ECI2: variants seen among roughly 807,000 people sequenced by gnomAD.
ECI2 encodes D3,D2-enoyl-CoA isomerase.
Under a neutral mutation model 38.4 loss-of-function variants are expected in ECI2, and 27 were observed. The ratio of observed to expected loss-of-function variants is 0.70; its 90% confidence interval spans 0.52 to 0.97. The LOEUF is 0.97. Among genes scored for constraint, ECI2 ranks in the 50% least tolerant of loss-of-function variants. The probability of loss-of-function intolerance (pLI) is 0.00; values close to 1 mark genes in which losing one functional copy is unlikely to be tolerated. For missense variants in ECI2, 470 were observed against 474.4 expected, an observed-to-expected ratio of 0.99 and a Z score of 0.09; for synonymous variants, 168 against 172.0, an observed-to-expected ratio of 0.98 and a Z score of 0.18.
chr6:4,128,751 A>G (rs1028668850), intron 4 of ECI2, among the ~76,000 whole-genome samples: 48 of 151,980 alleles, frequency 3.2e-4, no homozygotes, highest in African/African-American at 1.1e-3. Flanking sequence ...TCAGTATTAT[A>G]ATAACTCTAG....
chr6:4,128,069 C>T (rs1169489939), intron 4 of ECI2, among the ~76,000 whole-genome samples: 1 of 152,130 alleles, frequency 6.6e-6, no homozygotes, highest in Admixed American at 6.5e-5. Flanking sequence ...AGGCTATAAA[C>T]CACTTTTTTT....
Position 4,125,274 on chromosome 6 carries a change from G to C in ECI2, c.771C>G (p.Phe257Leu). 6.2e-7 allele frequency: 1 copy of C among 1,614,102 alleles called. No individual in the cohort carries two copies. The highest frequency in any genetic ancestry group is 2.2e-5 in the East Asian group (1 of 44,878). Residue 257 changes from phenylalanine (F) to leucine (L), a missense_variant, in exon 7 of 10, where the codon TTC becomes TTG. Phe to Leu is a conservative substitution (Grantham distance 22). Transcript: ENST00000380118. ...CCCTGTCAGATGCATACACGGCATC[G>C]AATAGCCCAAGGAGGGTGACGGAGA... The part of the protein sequence containing the change: ...VGISVTLLGL[F>L]DAVYASDRAT...
chr6:4,120,063 C>G (rs1393103406), intron 7 of ECI2, among the ~76,000 whole-genome samples: 3 of 152,158 alleles, frequency 2.0e-5, no homozygotes, highest in Non-Finnish European at 4.4e-5. Flanking sequence ...TTATCATTCA[C>G]CAGTTAATGC....
chr6:4,122,837 A>G (rs1450153052), intron 7 of ECI2, among the ~76,000 whole-genome samples: 3 of 152,116 alleles, frequency 2.0e-5, no homozygotes, highest in Admixed American at 6.5e-5. Context: ...TTACGTGAAT[A>G]TGTGTGTGTG....
chr6:4,128,977 T>C (rs749269467), intron 4 of ECI2, among the ~76,000 whole-genome samples: 3 of 152,186 alleles, frequency 2.0e-5, no homozygotes, highest in Non-Finnish European at 2.9e-5. Flanking sequence ...ATTATAGTTA[T>C]GATAACACCA....
intron 9 of ECI2, among the ~76,000 whole-genome samples, chr6:4,116,998 A>G (rs1772322557): frequency 6.6e-6 from 1 of 152,240 alleles, no homozygotes. Context: ...TAGCTAATCC[A>G]TGCTTCTCAC....
At chr6:4,129,259 C>T (rs532722896) in intron 4 of ECI2, among the ~76,000 whole-genome samples, 46 of 152,192 alleles carry the variant, frequency 3.0e-4, no homozygotes, top group African/African-American at 8.9e-4. Context: ...ACTATAGGTG[C>T]GCACCACCAT....
chr6:4,128,924 G>A (rs545715204), intron 4 of ECI2, among the ~76,000 whole-genome samples: 30 of 152,218 alleles, frequency 2.0e-4, no homozygotes, highest in African/African-American at 6.7e-4. Flanking sequence ...AAGCGTTTAA[G>A]CATTTCTCCT....
chr6:4,130,999 A>G (rs112029889), intron 2 of ECI2, 134 bp from the exon 3 acceptor site: 18 of 759,926 alleles, frequency 2.4e-5, no homozygotes, highest in African/African-American at 3.6e-5. Flanking sequence ...ATTGATCTGA[A>G]TTTTCCCCTC....
intron 7 of ECI2, chr6:4,122,110 T>C (rs1581972584): frequency 1.9e-6 from 2 of 1,043,712 alleles, no homozygotes. Context: ...GAGCAGCAGG[T>C]GGAGTTAAGG....
chr6:4,134,974 C>T, intron 1 of ECI2: 1 of 373,378 alleles, frequency 2.7e-6, no homozygotes, highest in Non-Finnish European at 5.5e-6. Context: ...TGCACAGATT[C>T]GTGCGGGTTC....
chr6:4,119,572 C>T (rs1157284347), intron 7 of ECI2, among the ~76,000 whole-genome samples: 1 of 152,112 alleles, frequency 6.6e-6, no homozygotes, highest in Non-Finnish European at 1.5e-5. Context: ...CCACCTGCCT[C>T]GGCCTCCCAA....
intron 9 of ECI2, among the ~76,000 whole-genome samples, 189 bp from the exon 10 acceptor site, chr6:4,116,218 G>C (rs1772258677): frequency 6.6e-6 from 1 of 151,868 alleles, no homozygotes; most frequent in East Asian, 2.0e-4. Context: ...GGTTGTGGTG[G>C]TACATGCCTG....
chr6:4,131,098 G>A (rs1448566664), intron 2 of ECI2: 18 of 434,322 alleles, frequency 4.1e-5, no homozygotes, highest in Non-Finnish European at 6.4e-5. Flanking sequence ...AATAATGCAG[G>A]ATAAAGGTTT....
chr6:4,120,871 T>A (rs1030814632), intron 7 of ECI2, among the ~76,000 whole-genome samples: 5 of 152,068 alleles, frequency 3.3e-5, no homozygotes, highest in African/African-American at 1.2e-4. Context: ...TGAAAAAAAA[T>A]TTAAAAATAA....
intron 8 of ECI2, chr6:4,118,783 C>T (rs9503920): frequency 0.025 from 4,024 of 158,802 alleles, 165 homozygotes; most frequent in African/African-American, 0.092. Context: ...CATCATGTCT[C>T]TCCTTAGGAG....
At chr6:4,128,300 A>C (rs1195159645) in intron 4 of ECI2, among the ~76,000 whole-genome samples, 1 of 151,960 alleles carries the variant, frequency 6.6e-6, no homozygotes, top group Non-Finnish European at 1.5e-5. Context: ...GACCTCAAGG[A>C]AGCCCCTGGC....
At chr6:4,117,819 C>T (rs574551930) in intron 8 of ECI2, 52 of 163,594 alleles carry the variant, frequency 3.2e-4, no homozygotes, top group Non-Finnish European at 1.4e-4. Flanking sequence ...AGAAAAATTA[C>T]GGTCATTGGG....
intron 2 of ECI2, among the ~76,000 whole-genome samples, chr6:4,132,523 C>T (rs1383011174): frequency 6.6e-6 from 1 of 152,136 alleles, no homozygotes; most frequent in African/African-American, 2.4e-5. Flanking sequence ...TTTTACTATA[C>T]ACACCCATAT....
Sources: allele counts gnomAD v4.1 joint callset (sites outside exome capture counted in the v4.1 genomes callset), GRCh38; gene constraint gnomAD v4.1.1; transcripts MANE v1.5; gene names NCBI Gene and HGNC (gene_info 2026-07-23, HGNC 2026-07-21).